The following IGSF11 variants were observed in gnomAD, a reference collection of about 807,000 sequenced individuals.
IGSF11 encodes CXADR like 1.
A neutral mutation model predicts 41.0 loss-of-function variants in IGSF11; 22 were observed. That is an observed-to-expected ratio of 0.54 (90% CI 0.38 to 0.77). The LOEUF is 0.77. Among genes scored for constraint, IGSF11 ranks in the 30% least tolerant of loss-of-function variants. The pLI, the probability that IGSF11 is intolerant of heterozygous loss-of-function variation, is 0.00. For missense variants in IGSF11, 444 were observed against 530.8 expected (o/e 0.84, Z 1.61); for synonymous variants, 219 against 201.3 (o/e 1.09, Z -0.74).
At chr3:119,126,122 G>A (rs1191324045) in intron 1 of IGSF11, among the ~76,000 whole-genome samples, 1 of 152,256 alleles carries the variant, frequency 6.6e-6, no homozygotes, top group African/African-American at 2.4e-5. Flanking sequence ...TGCCTAACAT[G>A]CTCCCTGCGT....
At chr3:118,923,827 CCTT>C (rs1559903609) in intron 4 of IGSF11, among the ~76,000 whole-genome samples, 3 of 152,120 alleles carry the variant, frequency 2.0e-5, no homozygotes, top group African/African-American at 7.2e-5. Flanking sequence ...AATGATGTGT[CCTT>C]CTCAGTACAT....
Position 118,928,709 on chromosome 3 carries a change from AG to A in IGSF11, c.223del (p.Leu75CysfsTer18). The A allele has an allele frequency of 6.2e-7, 1 of 1,613,022 alleles. No homozygotes were observed. The highest frequency in any genetic ancestry group is 8.5e-7 in the Non-Finnish European group (1 of 1,179,360). ...SNANQPEQVILYQGGQMFDGA... is the reference protein window; with the variant it reads ...SNANQPEQVIXYQGGQMFDGA... ...ATCAAACATCTGTCCACCCTGATAC[AG>A]GATGACCTGGAAAAGAAAGCAAAAT... is the stretch of plus-strand genomic sequence containing the variant. On this transcript the variant is annotated frameshift_variant, in exon 3 of 7. Coordinates refer to ENST00000393775, the MANE Select transcript of IGSF11 (RefSeq NM_001015887.3). LOFTEE classifies it high-confidence loss of function.
At position 118,928,602 on chromosome 3, in the gene IGSF11, G is replaced by C; in HGVS notation, c.331C>G (p.Gln111Glu). Residue 111 changes from glutamine to glutamate, a missense_variant, in exon 3 of 7, where the codon CAG becomes GAG. Physicochemically the swap from Gln to Glu is conservative, Grantham distance 29 (BLOSUM62 2). This residue lies in a region of IGSF11 where 193 missense variants were observed against 283.5 expected (regional missense o/e 0.68). Coordinates refer to ENST00000393775, the MANE Select transcript of IGSF11 (RefSeq NM_001015887.3). ...TNVSIFINNT[Q>E]LSDTGTYQCL... The stretch of plus-strand genomic sequence containing the variant: ...TGGTAGGTGCCAGTGTCTGATAACT[G>C]AGTGTTATTAATGAAGATAGAGACA... The C allele has an allele frequency of 6.2e-7, 1 of 1,613,928 alleles. No individual in the cohort carries two copies. The highest frequency in any genetic ancestry group is 8.5e-7 in the Non-Finnish European group (1 of 1,179,840).
intron 1 of IGSF11, among the ~76,000 whole-genome samples, chr3:119,023,039 A>T (rs962534436): frequency 4.6e-5 from 7 of 152,060 alleles, no homozygotes; most frequent in African/African-American, 7.2e-5. Context: ...AGGCAGGAGG[A>T]TCACCTGATG....
intron 1 of IGSF11, among the ~76,000 whole-genome samples, chr3:118,975,401 T>C (rs1933974626): frequency 6.6e-6 from 1 of 151,392 alleles, no homozygotes; most frequent in Non-Finnish European, 1.5e-5. Context: ...AGAAAGTTGT[T>C]AGGAGTTTAT....
intron 1 of IGSF11, among the ~76,000 whole-genome samples, chr3:119,028,613 A>G (rs926613808): frequency 6.6e-6 from 1 of 152,176 alleles, no homozygotes; most frequent in East Asian, 1.9e-4. Context: ...TATTTCAAAT[A>G]TTTAGGATTA....
intron 1 of IGSF11, among the ~76,000 whole-genome samples, chr3:119,049,480 T>A (rs1272102254): frequency 6.6e-6 from 1 of 152,210 alleles, no homozygotes; most frequent in Admixed American, 6.5e-5. Context: ...TACAAACCGC[T>A]GTTCAAGGAA....
chr3:119,141,373 C>T (rs9859907), intron 1 of IGSF11, among the ~76,000 whole-genome samples: 36,813 of 150,182 alleles, frequency 0.25, 4,591 homozygotes, highest in South Asian at 0.3. Flanking sequence ...TAAAAAAGAG[C>T]AAACTATACC....
intron 1 of IGSF11, among the ~76,000 whole-genome samples, chr3:118,970,359 A>G (rs900831922): frequency 3.3e-5 from 5 of 152,276 alleles, no homozygotes; most frequent in Non-Finnish European, 7.3e-5. Context: ...TTACCACATA[A>G]AAATAAACCA....
chr3:118,924,733 T>C (rs909842993), intron 4 of IGSF11, among the ~76,000 whole-genome samples: 1 of 152,062 alleles, frequency 6.6e-6, no homozygotes, highest in East Asian at 1.9e-4. Flanking sequence ...CCACTGTCAA[T>C]TGTTCACTTA....
intron 1 of IGSF11, among the ~76,000 whole-genome samples, chr3:119,086,705 C>T (rs80028372): frequency 0.029 from 4,373 of 152,242 alleles, 144 homozygotes; most frequent in South Asian, 0.18. Context: ...TCTGCCAGGA[C>T]AAGCAAAGGT....
At chr3:118,912,518 T>C (rs1280751164) in intron 4 of IGSF11, among the ~76,000 whole-genome samples, 1 of 152,148 alleles carries the variant, frequency 6.6e-6, no homozygotes, top group Non-Finnish European at 1.5e-5. Context: ...CCACACTCAC[T>C]GTATGGACAA....
At chr3:119,073,528 C>G (rs1193225049) in intron 1 of IGSF11, among the ~76,000 whole-genome samples, 1 of 152,220 alleles carries the variant, frequency 6.6e-6, no homozygotes, top group African/African-American at 2.4e-5. Flanking sequence ...TGGTGGGCTG[C>G]AGGTCCCGAT....
intron 1 of IGSF11, among the ~76,000 whole-genome samples, chr3:119,041,054 A>G (rs1329156763): frequency 6.6e-6 from 1 of 152,182 alleles, no homozygotes; most frequent in Admixed American, 6.5e-5. Flanking sequence ...AAATATGAAA[A>G]CCTAAACACA....
intron 1 of IGSF11, among the ~76,000 whole-genome samples, chr3:119,045,612 C>T (rs1328239701): frequency 6.6e-6 from 1 of 151,914 alleles, no homozygotes. Context: ...AACAAAGCAG[C>T]CAAGAAGCTC....
intron 1 of IGSF11, among the ~76,000 whole-genome samples, chr3:119,003,518 G>T (rs991379368): frequency 2.0e-5 from 3 of 151,144 alleles, no homozygotes; most frequent in African/African-American, 7.4e-5. Flanking sequence ...ATGTTGAATA[G>T]GAGCGGTAAG....
intron 1 of IGSF11, among the ~76,000 whole-genome samples, chr3:119,020,389 C>G (rs968829509): frequency 1.3e-5 from 2 of 152,206 alleles, no homozygotes; most frequent in Admixed American, 1.3e-4. Flanking sequence ...CACAGCTGCA[C>G]AGCATACAGA....
chr3:119,053,742 C>G (rs1400770761), intron 1 of IGSF11, among the ~76,000 whole-genome samples: 1 of 151,836 alleles, frequency 6.6e-6, no homozygotes, highest in Non-Finnish European at 1.5e-5. Context: ...AATCTGGAGG[C>G]ATCACATTAT....
At chr3:119,102,499 T>C (rs578103475) in intron 1 of IGSF11, among the ~76,000 whole-genome samples, 1 of 152,332 alleles carries the variant, frequency 6.6e-6, no homozygotes, top group East Asian at 1.9e-4. Context: ...GAACATAACA[T>C]AAATGTTAAC....
Sources: allele counts gnomAD v4.1 joint callset (sites outside exome capture counted in the v4.1 genomes callset), GRCh38; gene constraint gnomAD v4.1.1; regional missense constraint gnomAD v4.1.1; transcripts MANE v1.5; gene names NCBI Gene and HGNC (gene_info 2026-07-23, HGNC 2026-07-21).